The following PODXL variants were observed in gnomAD, a reference collection of about 807,000 sequenced individuals.
The protein encoded by PODXL is podocalyxin like.
Under a neutral mutation model 48.9 loss-of-function variants are expected in PODXL, and 20 were observed. The ratio of observed to expected loss-of-function variants is 0.41; its 90% CI spans 0.29 to 0.59. The LOEUF (loss-of-function observed/expected upper bound fraction) is 0.59, where lower values mean the gene tolerates loss of function less well. PODXL is among the 20% of genes least tolerant of loss of function. PODXL has a pLI of 0.31. For synonymous variants in PODXL, 295 were observed against 287.4 expected, an observed-to-expected ratio of 1.03 and a Z score of -0.27; for missense variants, 606 against 675.1, an observed-to-expected ratio of 0.90 and a Z score of 1.13.
intron 1 of PODXL, among the ~76,000 whole-genome samples, chr7:131,524,401 G>GAGAGAGAGAGAA (rs1294173168): frequency 2.8e-5 from 4 of 141,526 alleles, no homozygotes; most frequent in African/African-American, 8.5e-5. Context: ...GAGAGAGAGA[G>GAGAGAGAGAGAA]AGAGAGAAAA....
intron 1 of PODXL, among the ~76,000 whole-genome samples, chr7:131,535,342 C>T (rs950841997): frequency 9.9e-5 from 15 of 152,246 alleles, no homozygotes; most frequent in East Asian, 1.9e-4. Context: ...GTAAGCTGTA[C>T]GGTAAGTCAA....
chr7:131,529,865 G>A (rs1024291571), intron 1 of PODXL, among the ~76,000 whole-genome samples: 1 of 150,584 alleles, frequency 6.6e-6, no homozygotes, highest in Non-Finnish European at 1.5e-5. Flanking sequence ...CTGTATACTA[G>A]GTAAGCCTGC....
chr7:131,546,205 G>A (rs1284434893), intron 1 of PODXL, among the ~76,000 whole-genome samples: 15 of 152,244 alleles, frequency 9.9e-5, no homozygotes, highest in Admixed American at 9.2e-4. Flanking sequence ...GTGCAAGAGA[G>A]GGGGTAGGCT....
chr7:131,512,617 G>C (rs1052148739), intron 1 of PODXL, among the ~76,000 whole-genome samples: 1 of 151,996 alleles, frequency 6.6e-6, no homozygotes, highest in African/African-American at 2.4e-5. Flanking sequence ...GAAAATGCAG[G>C]GTCTTATGAC....
chr7:131,521,968 G>T (rs557022323), intron 1 of PODXL, among the ~76,000 whole-genome samples: 57 of 152,346 alleles, frequency 3.7e-4, no homozygotes, highest in African/African-American at 1.3e-3. Context: ...AGATAAAACA[G>T]CTCCTTATTC....
At position 131,501,966 on chromosome 7, in the gene PODXL, C is replaced by T. The variant is rs1230869461; in HGVS notation, c.*2345G>A. The T allele has an allele frequency of 1.3e-5, 2 of 152,236 alleles. No homozygotes were observed. The highest frequency in any genetic ancestry group is 4.8e-5 in the African/African-American group (2 of 41,436). The allele number at this position is 152,236 out of a possible 1,614,324, so 9.4% of individuals were successfully genotyped here. The stretch of plus-strand genomic sequence containing the variant: ...TCAGCCCAGAGCCTCTCCGGGTTCT[C>T]CTTGGACAGAGCGATGGAGAGTCAG... On this transcript the variant is annotated 3_prime_UTR_variant, in exon 9 of 9. Coordinates refer to ENST00000378555, the MANE Select transcript of PODXL (RefSeq NM_001018111.3).
At chr7:131,511,883 C>A (rs1211663963) in intron 1 of PODXL, among the ~76,000 whole-genome samples, 1 of 152,204 alleles carries the variant, frequency 6.6e-6, no homozygotes, top group East Asian at 1.9e-4. Flanking sequence ...CCTCCCCGTC[C>A]AGCCCCACAC....
At chr7:131,533,525 C>T (rs551077398) in intron 1 of PODXL, among the ~76,000 whole-genome samples, 143 of 152,326 alleles carry the variant, frequency 9.4e-4, no homozygotes, top group Non-Finnish European at 1.8e-3. Context: ...CACTGTCTAG[C>T]GTGGAGATGT....
rs151192213 is a variant in PODXL at position 131,525,877 on chromosome 7, G to A, written c.101-14444C>T. Among the ~76,000 whole-genome samples the A allele has an allele frequency of 7.4e-3, 1,121 of 152,288 alleles. 8 individuals carry two copies. Among genetic ancestry groups the A allele is most frequent in the South Asian group, 0.017 (81 of 4,820 alleles). On this transcript the variant is annotated intron_variant, in intron 1 of 8. Transcript: ENST00000378555. ...AGAAGTTACAAATAAGTAAACGGGTGGGGAGGAGGCTAGCCCTGTGATGCT... is the reference window on the plus strand; with the variant it reads ...AGAAGTTACAAATAAGTAAACGGGTAGGGAGGAGGCTAGCCCTGTGATGCT...
intron 1 of PODXL, among the ~76,000 whole-genome samples, chr7:131,538,475 C>G (rs1053232323): frequency 2.0e-5 from 3 of 152,202 alleles, no homozygotes; most frequent in Non-Finnish European, 4.4e-5. Flanking sequence ...GACACTGCAT[C>G]CTCCAGGTGG....
intron 1 of PODXL, among the ~76,000 whole-genome samples, chr7:131,547,391 A>AG (rs1301198525): frequency 9.2e-5 from 14 of 151,396 alleles, no homozygotes; most frequent in Non-Finnish European, 1.9e-4. Context: ...AAAAAAAAAA[A>AG]AAAAAAATCA....
chr7:131,510,279 C>T lies in PODXL; in HGVS notation c.759G>A (p.Ser253=), dbSNP rs764416382. ...VSQAGLELLT[S]GDLPTLASQS... is the part of the protein sequence containing the mutation. ...GGGAGGCCAAGGTGGGCAGATCACC[C>T]GAGGTCAGGAGTTCAAGACCAGCCT... The change falls in exon 3 of 9, where the codon TCG becomes TCA. Residue 253 remains serine, a synonymous_variant. Coordinates refer to ENST00000378555, the MANE Select transcript of PODXL (RefSeq NM_001018111.3). 7.8e-5 allele frequency: 32 copies of T among 408,072 alleles called. No homozygotes were observed. The highest frequency in any genetic ancestry group is 1.3e-4 in the Non-Finnish European group (26 of 206,336). The allele number at this position is 408,072 out of a possible 1,614,324, so 25.3% of individuals were successfully genotyped here.
At chr7:131,516,736 C>CT (rs58722955) in intron 1 of PODXL, among the ~76,000 whole-genome samples, 2,231 of 125,568 alleles carry the variant, frequency 0.018, 92 homozygotes, top group African/African-American at 0.035. Context: ...TTTTTTTTCT[C>CT]TTTTTTTTTT....
At position 131,556,400 on chromosome 7, in the gene PODXL, C is replaced by A; in HGVS notation, c.-41G>T. ...GGGCCGGGAGCAGGTGGCTGCGGTG[C>A]CGGCGGAGGATCCGCGCGTCCGGGC... is the stretch of plus-strand genomic sequence containing the variant. On this transcript the variant is annotated 5_prime_UTR_variant, in exon 1 of 9. Transcript: ENST00000378555. The A allele has an allele frequency of 1.5e-6, 2 of 1,339,262 alleles. No individual in the cohort carries two copies. The highest frequency in any genetic ancestry group is 1.9e-6 in the Non-Finnish European group (2 of 1,046,074). 83.0% of individuals were successfully genotyped at this position (1,339,262 alleles called of 1,614,324 possible).
intron 1 of PODXL, among the ~76,000 whole-genome samples, chr7:131,550,868 A>C (rs1798658376): frequency 1.3e-5 from 2 of 152,058 alleles, no homozygotes; most frequent in African/African-American, 4.8e-5. Context: ...AACTTGGGCG[A>C]ATGAACCCAC....
Position 131,501,745 on chromosome 7 carries a change from A to G in PODXL, c.*2566T>C, listed in dbSNP as rs544045930. 3 of 152,180 alleles carry G rather than the reference A, an allele frequency of 2.0e-5. No individual in the cohort carries two copies. Among genetic ancestry groups the G allele is most frequent in the Non-Finnish European group, 2.9e-5 (2 of 67,998 alleles). The allele number at this position is 152,180 out of a possible 1,614,324, so 9.4% of individuals were successfully genotyped here. A position where few individuals can be genotyped will look rare whatever the true frequency, so the allele number is the denominator to read the frequency against. On this transcript the variant is annotated 3_prime_UTR_variant, in exon 9 of 9. Transcript: ENST00000378555. ...TTCCTCTTACCTCTTCCCAGACCCA[A>G]TGCTCTCTGAATTATCAGAGAGCAT...
chr7:131,523,122 C>T (rs1486657742), intron 1 of PODXL, among the ~76,000 whole-genome samples: 1 of 152,186 alleles, frequency 6.6e-6, no homozygotes, highest in Non-Finnish European at 1.5e-5. Flanking sequence ...TCCAAAGTGG[C>T]TACCCCATTT....
intron 1 of PODXL, among the ~76,000 whole-genome samples, chr7:131,551,363 A>C (rs1798664746): frequency 6.6e-6 from 1 of 152,208 alleles, no homozygotes; most frequent in Admixed American, 6.5e-5. Context: ...AAATGAGCCC[A>C]GAGCTGGGTA....
chr7:131,551,794 G>A (rs1027191002), intron 1 of PODXL, among the ~76,000 whole-genome samples: 1 of 152,050 alleles, frequency 6.6e-6, no homozygotes, highest in African/African-American at 2.4e-5. Flanking sequence ...AAAATTAGCC[G>A]GGCGTGGAGG....
Sources: allele counts gnomAD v4.1 joint callset (sites outside exome capture counted in the v4.1 genomes callset), GRCh38; gene constraint gnomAD v4.1.1; transcripts MANE v1.5; gene names NCBI Gene and HGNC (gene_info 2026-07-23, HGNC 2026-07-21).